ARHGAP15: variants seen among roughly 807,000 people sequenced by gnomAD.
The protein encoded by ARHGAP15 is rho GTPase-activating protein 15.
In ARHGAP15, 51 loss-of-function variants were observed where a neutral mutation model predicts 63.7. The ratio of observed to expected loss-of-function variants is 0.80; its 90% confidence interval spans 0.64 to 1.01. The LOEUF is 1.01. Among genes scored for constraint, ARHGAP15 ranks in the 50% least tolerant of loss-of-function variants. The probability of loss-of-function intolerance (pLI) is 0.00; values close to 1 mark genes in which losing one functional copy is unlikely to be tolerated. For missense variants in ARHGAP15, 560 were observed against 564.6 expected, an observed-to-expected ratio of 0.99 and a Z score of 0.08; for synonymous variants, 191 against 193.8, an observed-to-expected ratio of 0.99 and a Z score of 0.12.
chr2:143,744,308 A>C (rs1686076590), intron 13 of ARHGAP15, among the ~76,000 whole-genome samples: 1 of 152,218 alleles, frequency 6.6e-6, no homozygotes, highest in African/African-American at 2.4e-5. Flanking sequence ...CACTTGGCTA[A>C]GGATGTTATT....
At chr2:143,147,890 G>A (rs1162470650) in intron 1 of ARHGAP15, among the ~76,000 whole-genome samples, 4 of 151,940 alleles carry the variant, frequency 2.6e-5, no homozygotes, top group African/African-American at 4.8e-5. Context: ...AGCATCCCAC[G>A]AGCATGTTAT....
At chr2:143,303,454 A>G (rs1482698023) in intron 6 of ARHGAP15, among the ~76,000 whole-genome samples, 1 of 152,146 alleles carries the variant, frequency 6.6e-6, no homozygotes, top group African/African-American at 2.4e-5. Context: ...TACACCTTAT[A>G]TAAAAATTAA....
chr2:143,622,533 G>C (rs776355388), intron 11 of ARHGAP15, among the ~76,000 whole-genome samples: 1 of 152,028 alleles, frequency 6.6e-6, no homozygotes, highest in Admixed American at 6.6e-5. Context: ...ATAGTGTGTA[G>C]CCAAATAAAA....
intron 6 of ARHGAP15, among the ~76,000 whole-genome samples, chr2:143,306,083 A>G (rs776278410): frequency 1.1e-4 from 17 of 152,074 alleles, no homozygotes; most frequent in Non-Finnish European, 2.1e-4. Context: ...TTTTCCCACT[A>G]CTTTATTAAA....
intron 12 of ARHGAP15, among the ~76,000 whole-genome samples, chr2:143,684,381 T>C (rs993523535): frequency 1.3e-5 from 2 of 152,186 alleles, no homozygotes; most frequent in Non-Finnish European, 2.9e-5. Context: ...TTTGGGGTTT[T>C]AGTGGTTCTT....
chr2:143,418,884 C>CT (rs1256153127), intron 6 of ARHGAP15, among the ~76,000 whole-genome samples: 2 of 151,896 alleles, frequency 1.3e-5, no homozygotes, highest in Non-Finnish European at 2.9e-5. Flanking sequence ...ATATTGATGG[C>CT]TGACTTCTTG....
intron 12 of ARHGAP15, among the ~76,000 whole-genome samples, chr2:143,677,298 T>C (rs955161236): frequency 2.0e-5 from 3 of 152,364 alleles, no homozygotes; most frequent in African/African-American, 4.8e-5. Context: ...AACTGAACCA[T>C]GAATGGAACC....
chr2:143,258,166 G>T (rs1159629661), intron 6 of ARHGAP15, among the ~76,000 whole-genome samples: 1 of 151,936 alleles, frequency 6.6e-6, no homozygotes, highest in Non-Finnish European at 1.5e-5. Context: ...GATAGCATAG[G>T]ATCACTGGCT....
chr2:143,721,689 ACTT>A (rs1158947912), intron 13 of ARHGAP15, among the ~76,000 whole-genome samples: 6 of 151,886 alleles, frequency 4.0e-5, no homozygotes, highest in African/African-American at 1.5e-4. Context: ...ACCTTTTTAA[ACTT>A]TTTTTTTTTT....
At chr2:143,364,480 A>C (rs184925713) in intron 6 of ARHGAP15, among the ~76,000 whole-genome samples, 62 of 152,292 alleles carry the variant, frequency 4.1e-4, no homozygotes, top group Admixed American at 1.6e-3. Context: ...TCTAATAAAA[A>C]TATAAAACCT....
chr2:143,684,372 T>C (rs1320570910), intron 12 of ARHGAP15, among the ~76,000 whole-genome samples: 1 of 152,196 alleles, frequency 6.6e-6, no homozygotes, highest in Admixed American at 6.5e-5. Context: ...TTCTGCTTTT[T>C]TGGGGTTTTA....
At chr2:143,747,550 C>A (rs1218822219) in intron 13 of ARHGAP15, among the ~76,000 whole-genome samples, 1 of 152,256 alleles carries the variant, frequency 6.6e-6, no homozygotes, top group African/African-American at 2.4e-5. Flanking sequence ...CCCTCCCTCC[C>A]CAAAACCTCT....
chr2:143,130,094 T>C (rs1361374470), intron 1 of ARHGAP15, among the ~76,000 whole-genome samples: 1 of 152,150 alleles, frequency 6.6e-6, no homozygotes, highest in African/African-American at 2.4e-5. Context: ...AGCAAACTTT[T>C]ATATTTAAAA....
intron 13 of ARHGAP15, among the ~76,000 whole-genome samples, chr2:143,704,444 G>T (rs1236288516): frequency 6.6e-6 from 1 of 152,146 alleles, no homozygotes; most frequent in African/African-American, 2.4e-5. Flanking sequence ...ATACCATTGG[G>T]AAAGGAAAGG....
rs70982879 is a variant in ARHGAP15 at position 143,673,758 on chromosome 2, G to GTATATATATATATATATATATATATA, written c.1139-29660_1139-29635dup. Reference sequence around the variant, plus strand: ...TGTGTGTGTGTGTGTGTGTGTGTGTGTATATATATATATATATATATATAT... The same window carrying GTATATATATATATATATATATATATA: ...TGTGTGTGTGTGTGTGTGTGTGTGTGTATATATATATATATATATATATATATATATATATATATATATATATATAT... On this transcript the variant is annotated intron_variant, in intron 12 of 13. Transcript: ENST00000295095. Among the ~76,000 whole-genome samples, 71 of 22,116 alleles carry GTATATATATATATATATATATATATA rather than the reference G, an allele frequency of 3.2e-3. 3 individuals carry two copies. Among genetic ancestry groups the GTATATATATATATATATATATATATA allele is most frequent in the Non-Finnish European group, 6.1e-3 (43 of 7,064 alleles). 14.5% of individuals were successfully genotyped at this position (22,116 alleles called of 152,430 possible). A position where few individuals can be genotyped will look rare whatever the true frequency, so the allele number is the denominator to read the frequency against.
intron 6 of ARHGAP15, among the ~76,000 whole-genome samples, chr2:143,313,666 A>G (rs1683551276): frequency 6.6e-6 from 1 of 152,148 alleles, no homozygotes; most frequent in Non-Finnish European, 1.5e-5. Flanking sequence ...GCTGAGGTAG[A>G]GTCTATCTTT....
intron 12 of ARHGAP15, among the ~76,000 whole-genome samples, chr2:143,633,238 C>G (rs1680142661): frequency 1.3e-5 from 2 of 152,046 alleles, no homozygotes; most frequent in Non-Finnish European, 2.9e-5. Flanking sequence ...TGGCTAATGC[C>G]TAGCCTGTCT....
intron 5 of ARHGAP15, among the ~76,000 whole-genome samples, chr2:143,243,073 G>A (rs1219640990): frequency 1.3e-5 from 2 of 152,080 alleles, no homozygotes; most frequent in Admixed American, 6.6e-5. Flanking sequence ...GAGGCTGTGC[G>A]GCCAAATGAT....
chr2:143,343,280 G>A (rs1205680676), intron 6 of ARHGAP15, among the ~76,000 whole-genome samples: 2 of 152,010 alleles, frequency 1.3e-5, no homozygotes, highest in Non-Finnish European at 2.9e-5. Context: ...AGAGAGAAGA[G>A]CATCTACAGA....
Sources: gnomAD v4.1 joint callset for allele counts (sites outside exome capture counted in the v4.1 genomes callset) on GRCh38, gnomAD v4.1.1 for gene constraint, MANE v1.5 for transcripts, NCBI Gene and HGNC (gene_info 2026-07-23, HGNC 2026-07-21) for gene names.